EPB41L1: variants seen among roughly 807,000 people sequenced by gnomAD.
EPB41L1 encodes band 4.1-like protein 1.
EPB41L1 carries 29 observed loss-of-function variants against 97.8 expected under a neutral mutation model. The observed-to-expected ratio is 0.30, with a 90% CI of 0.22 to 0.40. The LOEUF is 0.40. EPB41L1 is among the 10% of genes least tolerant of loss of function. EPB41L1 has a pLI of 1.00. For synonymous variants in EPB41L1, 383 were observed against 459.2 expected (o/e 0.83, Z 2.12); for missense variants, 812 against 1,162.3 (o/e 0.70, Z 4.38).
chr20:36,133,759 A>AGGC (rs2059310667), intron 2 of EPB41L1, among the ~76,000 whole-genome samples: 2 of 150,906 alleles, frequency 1.3e-5, no homozygotes, highest in South Asian at 4.2e-4. Context: ...CAGGAGGCTG[A>AGGC]GGCGGGAGGA....
rs372609432 is a variant in EPB41L1 at position 36,190,718 on chromosome 20, C to T, written c.1221C>T (p.Ser407=). The change falls in exon 11 of 22, where the codon AGC becomes AGT. Residue 407 remains serine, a synonymous_variant. Coordinates refer to ENST00000338074, the MANE Select transcript of EPB41L1 (RefSeq NM_012156.2). The surrounding 1 kb of genome is among the most constrained non-coding windows in gnomAD (Gnocchi z 5.8). ...GRTQAQTRQA[S]ALIDRPAPFF... ...CCCAGGCACAGACTCGCCAGGCCAG[C>T]GCCCTCATTGACCGGCCTGCACCCT... The T allele has an allele frequency of 3.7e-5, 59 of 1,614,042 alleles. 2 individuals carry two copies. In the South Asian group the frequency reaches 4.9e-4, roughly 14 times the overall value.
intron 2 of EPB41L1, among the ~76,000 whole-genome samples, chr20:36,149,236 C>T (rs1303162703): frequency 6.6e-6 from 1 of 152,184 alleles, no homozygotes; most frequent in African/African-American, 2.4e-5. Flanking sequence ...AAATGTCCCC[C>T]ATCCCTGCCC....
rs1432144055 is a variant in EPB41L1, at chr20:36,185,266, A to G, written c.716A>G (p.Glu239Gly). The G allele has an allele frequency of 6.2e-7, 1 of 1,613,820 alleles. No homozygotes were observed. Among genetic ancestry groups the G allele is most frequent in the Non-Finnish European group, 8.5e-7 (1 of 1,180,056 alleles). The change falls in exon 7 of 22, where the codon GAG becomes GGG. Residue 239 changes from glutamate to glycine, a missense_variant. Physicochemically the swap from Glu to Gly is moderately conservative, Grantham distance 98. Around this residue, in one of 3 missense-constraint regions of EPB41L1, gnomAD observed 230 missense variants for 445.2 expected, o/e 0.52. Coordinates refer to ENST00000338074, the MANE Select transcript of EPB41L1 (RefSeq NM_012156.2). ...AEEHVGNYVSELRFAPNQTRE... is the reference protein window; with the variant it reads ...AEEHVGNYVSGLRFAPNQTRE... ...GAGCATGTGGGCAACTATGTCAGCG[A>G]GCTCCGCTTCGCCCCTAACCAGACC...
intron 2 of EPB41L1, among the ~76,000 whole-genome samples, chr20:36,141,877 G>A (rs555802847): frequency 1.1e-4 from 16 of 152,238 alleles, no homozygotes; most frequent in African/African-American, 3.9e-4. Context: ...GGAGGCTGAC[G>A]TGGACAGATC....
At chr20:36,103,848 G>A (rs1200712576) in intron 1 of EPB41L1, among the ~76,000 whole-genome samples, 7 of 151,860 alleles carry the variant, frequency 4.6e-5, no homozygotes, top group Non-Finnish European at 7.4e-5. Flanking sequence ...GACTACAGGC[G>A]CCCGCCACCA....
rs1306554759 is a variant in EPB41L1 at position 36,209,310 on chromosome 20, T to A, written c.1669-178T>A. Among the ~76,000 whole-genome samples the A allele has an allele frequency of 6.6e-6, 1 of 152,164 alleles. No individual in the cohort carries two copies. The highest frequency in any genetic ancestry group is 2.4e-5 in the African/African-American group (1 of 41,436). The stretch of plus-strand genomic sequence containing the variant: ...ACTCTTGAGTCGTTTTTGTTTTTTT[T>A]ATGCTTGTTATGATTTCAAGGAACC... On this transcript the variant is annotated intron_variant, in intron 14 of 21. Transcript: ENST00000338074. The surrounding 1 kb of genome is among the most constrained non-coding windows in gnomAD (Gnocchi z 4.2).
At chr20:36,119,470 T>A (rs2058681632) in intron 2 of EPB41L1, among the ~76,000 whole-genome samples, 1 of 152,008 alleles carries the variant, frequency 6.6e-6, no homozygotes, top group Non-Finnish European at 1.5e-5. Context: ...GGTATGGTGG[T>A]GCACGCCTGT....
chr20:36,173,866 C>T lies in EPB41L1; in HGVS notation c.89C>T (p.Thr30Ile). 6.2e-7 allele frequency: 1 copy of T among 1,613,992 alleles called. No individual in the cohort carries two copies. Among genetic ancestry groups the T allele is most frequent in the Non-Finnish European group, 8.5e-7 (1 of 1,179,924 alleles). The stretch of plus-strand genomic sequence containing the variant: ...CCCGAGGCTGCTGCCGCTGTGACCA[C>T]CCCTGTGACCCCTGCAGGCCACGGC... ...QQPEAAAAVTTPVTPAGHGHP... is the reference protein window; with the variant it reads ...QQPEAAAAVTIPVTPAGHGHP... Residue 30 changes from threonine (T) to isoleucine (I), a missense_variant, in exon 2 of 22, where the codon ACC (threonine) becomes ATC (isoleucine). By Grantham distance (89) the Thr-to-Ile change is moderately conservative. Transcript: ENST00000338074.
chr20:36,176,230 C>T (rs1283960277), intron 3 of EPB41L1, among the ~76,000 whole-genome samples: 1 of 152,208 alleles, frequency 6.6e-6, no homozygotes, highest in Non-Finnish European at 1.5e-5. Flanking sequence ...GGGAAGATGT[C>T]ACCCAGGCCA....
Position 36,229,544 on chromosome 20 carries a change from A to G in EPB41L1, c.*204A>G, listed in dbSNP as rs1408148629. The G allele has an allele frequency of 4.3e-6, 2 of 467,998 alleles. No homozygotes were observed. Among genetic ancestry groups the G allele is most frequent in the Non-Finnish European group, 7.8e-6 (2 of 257,578 alleles). 29.0% of individuals were successfully genotyped at this position (467,998 alleles called of 1,614,324 possible). A position where few individuals can be genotyped will look rare whatever the true frequency, so the allele number is the denominator to read the frequency against. ...TATACAGGAAACACCGCATCCTTGC[A>G]CTGCTGCTGGGGCTGGCAGAGCAGT... On this transcript the variant is annotated 3_prime_UTR_variant, in exon 22 of 22. Transcript: ENST00000338074.
rs1375512109 is a variant in EPB41L1 at position 36,207,896 on chromosome 20, A to T, written c.1669-1592A>T. On this transcript the variant is annotated intron_variant, in intron 14 of 21. Coordinates refer to ENST00000338074, the MANE Select transcript of EPB41L1 (RefSeq NM_012156.2). This position sits in a 1 kb window ranked among gnomAD's most constrained non-coding sequence, Gnocchi z 4.9. ...GTGGCCCCTCGTCATTTCTGCAATC[A>T]GAGGCTGCTTATCCATCCCTGTGAG... The T allele has an allele frequency of 6.3e-6, 7 of 1,113,352 alleles. No individual in the cohort carries two copies. In the Admixed American group the frequency reaches 2.4e-4, roughly 38 times the overall value. The allele number at this position is 1,113,352 out of a possible 1,614,324, so 69.0% of individuals were successfully genotyped here.
intron 2 of EPB41L1, among the ~76,000 whole-genome samples, chr20:36,133,165 C>T (rs952286224): frequency 6.6e-6 from 1 of 152,228 alleles, no homozygotes; most frequent in African/African-American, 2.4e-5. Flanking sequence ...GCCTGGTCCA[C>T]CAGCGTTGAG....
rs1344979186 is a variant in EPB41L1, at chr20:36,182,259, C to T, written c.491-13C>T. Reference sequence around the variant, plus strand: ...GTTAGGGCCTCGCTGATCTCTCTCCCATCTCCTCTCAGGTAGCCCCTGGAA... The same window carrying T: ...GTTAGGGCCTCGCTGATCTCTCTCCTATCTCCTCTCAGGTAGCCCCTGGAA... On this transcript the variant is annotated splice_polypyrimidine_tract_variant and intron_variant, in intron 5 of 21. Coordinates refer to ENST00000338074, the MANE Select transcript of EPB41L1 (RefSeq NM_012156.2). 1.2e-6 allele frequency: 2 copies of T among 1,613,608 alleles called. No individual in the cohort carries two copies. Among genetic ancestry groups the T allele is most frequent in the South Asian group, 1.1e-5 (1 of 91,068 alleles).
At chr20:36,121,082 A>AG (rs1041470325) in intron 2 of EPB41L1, among the ~76,000 whole-genome samples, 1 of 151,360 alleles carries the variant, frequency 6.6e-6, no homozygotes, top group Non-Finnish European at 1.5e-5. Flanking sequence ...ATGAAAAAAA[A>AG]AAAAAAGAGA....
intron 2 of EPB41L1, among the ~76,000 whole-genome samples, chr20:36,135,735 G>A (rs911290101): frequency 2.0e-5 from 3 of 152,152 alleles, no homozygotes; most frequent in African/African-American, 7.2e-5. Flanking sequence ...GAAAGTTGCT[G>A]TCTCTGCCTG....
chr20:36,224,607 T>C (rs2147147227), intron 21 of EPB41L1, among the ~76,000 whole-genome samples: 1 of 152,264 alleles, frequency 6.6e-6, no homozygotes, highest in Middle Eastern at 3.4e-3. Flanking sequence ...GATGGCACTA[T>C]TGCACTTCAG....
At chr20:36,191,459 T>C (rs1035434130) in intron 11 of EPB41L1, among the ~76,000 whole-genome samples, 1 of 152,122 alleles carries the variant, frequency 6.6e-6, no homozygotes, top group African/African-American at 2.4e-5. Flanking sequence ...GCTTAAAATG[T>C]GGTGCACAAA....
intron 2 of EPB41L1, among the ~76,000 whole-genome samples, chr20:36,115,345 C>G (rs565911113): frequency 6.6e-6 from 1 of 152,302 alleles, no homozygotes; most frequent in East Asian, 1.9e-4. Context: ...ATGCACGGAG[C>G]TCACGACTTA....
chr20:36,225,911 G>A (rs1268452967), intron 21 of EPB41L1, among the ~76,000 whole-genome samples: 1 of 151,850 alleles, frequency 6.6e-6, no homozygotes, highest in Non-Finnish European at 1.5e-5. Flanking sequence ...CCTCCTCCTC[G>A]CCTCTCTTTA....
Sources: gnomAD v4.1 joint callset for allele counts (sites outside exome capture counted in the v4.1 genomes callset) on GRCh38, gnomAD v4.1.1 for gene constraint, gnomAD v4.1.1 regional missense constraint, Gnocchi (gnomAD v3.1) non-coding constraint, MANE v1.5 for transcripts, NCBI Gene and HGNC (gene_info 2026-07-23, HGNC 2026-07-21) for gene names.